ABCC12: variants seen among roughly 807,000 people sequenced by gnomAD.
The protein encoded by ABCC12 is ATP-binding cassette sub-family C member 12.
In ABCC12, 142 loss-of-function variants were observed where a neutral mutation model predicts 151.1. The ratio of observed to expected loss-of-function variants is 0.94; its 90% confidence interval spans 0.82 to 1.08. The LOEUF (loss-of-function observed/expected upper bound fraction) is 1.08, where lower values mean the gene tolerates loss of function less well. ABCC12 is among the 50% of genes least tolerant of loss of function. The probability of loss-of-function intolerance (pLI) is 0.00; values close to 1 mark genes in which losing one functional copy is unlikely to be tolerated. For synonymous variants in ABCC12, 645 were observed against 646.4 expected, an observed-to-expected ratio of 1.00 and a Z score of 0.03; for missense variants, 1,638 against 1,691.1, an observed-to-expected ratio of 0.97 and a Z score of 0.55.
Position 48,098,090 on chromosome 16 carries a change from G to GACACACACAC in ABCC12, c.3039-1198_3039-1189dup, listed in dbSNP as rs66949388. On this transcript the variant is annotated intron_variant, in intron 23 of 30. Coordinates refer to ENST00000311303, the MANE Select transcript of ABCC12 (RefSeq NM_001393797.1). ...TCTCAATTGCAAGCCTGCCCCACCT[G>GACACACACAC]ACACACACACACACACACACACACA... Among the ~76,000 whole-genome samples, 182 of 121,976 alleles carry GACACACACAC rather than the reference G, an allele frequency of 1.5e-3. 1 individual carries two copies. The highest frequency in any genetic ancestry group is 5.1e-3 in the African/African-American group (165 of 32,182). 80.0% of individuals were successfully genotyped at this position (121,976 alleles called of 152,430 possible). A position where few individuals can be genotyped will look rare whatever the true frequency, so the allele number is the denominator to read the frequency against.
chr16:48,148,129 G>T (rs1965059183), intron 2 of ABCC12, among the ~76,000 whole-genome samples: 1 of 151,896 alleles, frequency 6.6e-6, no homozygotes, highest in South Asian at 2.1e-4. Flanking sequence ...TGTATTTTTA[G>T]TAGAGACAGG....
chr16:48,113,725 G>A (rs977244665), intron 15 of ABCC12, among the ~76,000 whole-genome samples: 2 of 152,190 alleles, frequency 1.3e-5, no homozygotes, highest in African/African-American at 4.8e-5. Context: ...TGGATAAAAT[G>A]ACACGGGAAG....
chr16:48,117,288 G>T lies in ABCC12; in HGVS notation c.1758C>A (p.Ser586Arg), dbSNP rs377408719. The change falls in exon 14 of 31, where the codon AGC (serine) becomes AGA (arginine). Residue 586 changes from serine (S) to arginine (R), a missense_variant. Transcript: ENST00000311303. ...VRVCGLQKDL[S>R]NLPYGDLTEI... ...CAGTCAGGTCTCCATAGGGGAGGTT[G>T]CTCAGGTCCTTCTGGAGGCCACAGA... The T allele has an allele frequency of 4.5e-5, 72 of 1,613,762 alleles. No homozygotes were observed. The African/African-American group carries it at 8.0e-4, about 18-fold the overall frequency.
At chr16:48,116,116 G>C (rs1963875422) in intron 14 of ABCC12, among the ~76,000 whole-genome samples, 1 of 152,140 alleles carries the variant, frequency 6.6e-6, no homozygotes, top group African/African-American at 2.4e-5. Context: ...TTGACTTCCT[G>C]GTTCATCATC....
Position 48,092,276 on chromosome 16 carries a change from T to G in ABCC12, c.3196-1067A>C, listed in dbSNP as rs2150588366. Among the ~76,000 whole-genome samples, 6 of 151,666 alleles carry G rather than the reference T, an allele frequency of 4.0e-5. No individual in the cohort carries two copies. The South Asian group carries it at 1.2e-3, about 32-fold the overall frequency. ...ATTGTACCAGGAGGGGATGGAGGAG[T>G]GAGCAGGGGAAGAGAGGCCACCCAT... On this transcript the variant is annotated intron_variant, in intron 24 of 30. Transcript: ENST00000311303.
chr16:48,117,893 G>A (rs966160491), intron 13 of ABCC12, among the ~76,000 whole-genome samples: 1 of 152,204 alleles, frequency 6.6e-6, no homozygotes. Context: ...TTTCTCCCCT[G>A]CAACAACTCG....
rs1216969755 is a variant in ABCC12 at position 48,115,608 on chromosome 16, C to A, written c.1796G>T (p.Arg599Leu). ...CTGCCCCCCAGAGAGGTTGAGGCCC[C>A]GCTCCCCAATCTGTGGACAGGGACA... Reference protein sequence around the residue: ...PYGDLTEIGERGLNLSGGQRQ... With the variant: ...PYGDLTEIGELGLNLSGGQRQ... Residue 599 changes from arginine (R) to leucine (L), a missense_variant, in exon 15 of 31, where the codon CGG (arginine) becomes CTG (leucine). By Grantham distance (102) the Arg-to-Leu change is moderately radical. Coordinates refer to ENST00000311303, the MANE Select transcript of ABCC12 (RefSeq NM_001393797.1). The A allele has an allele frequency of 1.2e-6, 2 of 1,613,312 alleles. No individual in the cohort carries two copies. The highest frequency in any genetic ancestry group is 2.2e-5 in the South Asian group (2 of 91,032).
intron 24 of ABCC12, among the ~76,000 whole-genome samples, chr16:48,096,361 A>G (rs370268143): frequency 6.6e-6 from 1 of 152,232 alleles, no homozygotes; most frequent in Non-Finnish European, 1.5e-5. Flanking sequence ...AATTAATCCA[A>G]TAATAGTAAT....
intron 4 of ABCC12, 116 bp downstream of exon 4, chr16:48,143,794 A>C (rs1964902830): frequency 1.5e-6 from 2 of 1,338,214 alleles, no homozygotes; most frequent in Non-Finnish European, 1.0e-6. Flanking sequence ...CTCCCCAGTC[A>C]CATGGAACTG....
chr16:48,112,276 C>T (rs1237396387), intron 15 of ABCC12, among the ~76,000 whole-genome samples: 1 of 152,164 alleles, frequency 6.6e-6, no homozygotes, highest in Non-Finnish European at 1.5e-5. Flanking sequence ...TTTGCTACTG[C>T]TCCTTAAATG....
chr16:48,106,398 A>T (rs1963493653), intron 20 of ABCC12, among the ~76,000 whole-genome samples: 1 of 152,196 alleles, frequency 6.6e-6, no homozygotes, highest in African/African-American at 2.4e-5. Context: ...AGGGGCAAAC[A>T]CATGGTTCAG....
intron 23 of ABCC12, among the ~76,000 whole-genome samples, chr16:48,098,860 A>G (rs1281026364): frequency 6.6e-6 from 1 of 152,206 alleles, no homozygotes; most frequent in Non-Finnish European, 1.5e-5. Flanking sequence ...GAAATCTTGG[A>G]GTAGAAGCTG....
chr16:48,121,736 T>C lies in ABCC12; in HGVS notation c.1692A>G (p.Gly564=). The C allele has an allele frequency of 1.2e-6, 2 of 1,614,182 alleles. No homozygotes were observed. Among genetic ancestry groups the C allele is most frequent in the Non-Finnish European group, 1.7e-6 (2 of 1,180,030 alleles). Reference sequence around the variant, plus strand: ...ATTACCTTTGGTGATCATACTTTTCTCCAAAGAGTATGTTTTCTCTCACAT... The same window carrying C: ...ATTACCTTTGGTGATCATACTTTTCCCCAAAGAGTATGTTTTCTCTCACAT... The part of the protein sequence containing the change: ...HGNVRENILF[G]EKYDHQRYQH... Residue 564 remains glycine, a synonymous_variant, in exon 13 of 31, where the codon GGA becomes GGG. Transcript: ENST00000311303.
rs553962951 is a variant in ABCC12, at chr16:48,128,893, C to T, written c.1237-156G>A. 8.5e-5 allele frequency among the ~76,000 whole-genome samples: 13 copies of T among 152,336 alleles called. 1 individual carries two copies. In the South Asian group the frequency reaches 2.7e-3, roughly 32 times the overall value. Reference sequence around the variant, plus strand: ...GAAATTATTCCCCCAGGAGAAGCTGCAGCAGAAATAGTCCACTAGCTCATG... The same window carrying T: ...GAAATTATTCCCCCAGGAGAAGCTGTAGCAGAAATAGTCCACTAGCTCATG... On this transcript the variant is annotated intron_variant, in intron 10 of 30. Coordinates refer to ENST00000311303, the MANE Select transcript of ABCC12 (RefSeq NM_001393797.1).
intron 26 of ABCC12, 97 bp from the exon 27 acceptor site, chr16:48,088,182 A>G: frequency 3.0e-6 from 4 of 1,352,848 alleles, no homozygotes; most frequent in Non-Finnish European, 4.1e-6. Flanking sequence ...TGCAATGCAA[A>G]TGTCTCCGTA....
At chr16:48,132,464 G>A (rs996486227) in intron 9 of ABCC12, among the ~76,000 whole-genome samples, 1 of 152,140 alleles carries the variant, frequency 6.6e-6, no homozygotes. Flanking sequence ...CCTCCCCCGT[G>A]AGGTCCCTGA....
chr16:48,098,816 T>C (rs1963202910), intron 23 of ABCC12, among the ~76,000 whole-genome samples: 1 of 152,198 alleles, frequency 6.6e-6, no homozygotes, highest in African/African-American at 2.4e-5. Context: ...GGAACCCCCA[T>C]CAGTCATTCT....
Position 48,112,049 on chromosome 16 carries a change from A to T in ABCC12, c.1990-139T>A, listed in dbSNP as rs141918421. On this transcript the variant is annotated intron_variant, in intron 15 of 30. Coordinates refer to ENST00000311303, the MANE Select transcript of ABCC12 (RefSeq NM_001393797.1). The stretch of plus-strand genomic sequence containing the variant: ...TTGAGGGGGCTGTCCTGTGCATTGT[A>T]GGATATTTACCACCCTCCCTGGCCT... 5.3e-4 allele frequency: 593 copies of T among 1,119,606 alleles called. 1 individual carries two copies. The African/African-American group carries it at 7.6e-3, about 14-fold the overall frequency. 69.4% of individuals were successfully genotyped at this position (1,119,606 alleles called of 1,614,324 possible).
chr16:48,133,350 C>T (rs947329351), intron 9 of ABCC12, among the ~76,000 whole-genome samples: 2 of 151,800 alleles, frequency 1.3e-5, no homozygotes, highest in African/African-American at 2.4e-5. Context: ...GGTGAAACCC[C>T]GGTCTCTACT....
Sources: gnomAD v4.1 joint callset for allele counts (sites outside exome capture counted in the v4.1 genomes callset) on GRCh38, gnomAD v4.1.1 for gene constraint, MANE v1.5 for transcripts, NCBI Gene and HGNC (gene_info 2026-07-23, HGNC 2026-07-21) for gene names.